The following AGBL2 variants were observed in gnomAD, a reference collection of about 807,000 sequenced individuals.
AGBL2 encodes AGBL carboxypeptidase 2.
In AGBL2, 87 loss-of-function variants were observed where a neutral mutation model predicts 103.0. The observed-to-expected ratio is 0.84, with a 90% CI of 0.71 to 1.01. AGBL2 has a LOEUF of 1.01. Among genes scored for constraint, AGBL2 ranks in the 50% least tolerant of loss-of-function variants. The pLI is 0.00. For synonymous variants in AGBL2, 335 were observed against 356.7 expected (o/e 0.94, Z 0.69); for missense variants, 904 against 1,023.5 (o/e 0.88, Z 1.59).
Position 47,670,777 on chromosome 11 carries a change from T to G in AGBL2, c.2148-1870A>C, listed in dbSNP as rs559887779. 9.2e-5 allele frequency among the ~76,000 whole-genome samples: 14 copies of G among 152,024 alleles called. No homozygotes were observed. The South Asian group carries it at 2.7e-3, about 29-fold the overall frequency. ...GGGAGGCTGAGGCTTAAAGATCTCTTGAGCCCAGGAGTTTGAGACCAGCCT... is the reference window on the plus strand; with the variant it reads ...GGGAGGCTGAGGCTTAAAGATCTCTGGAGCCCAGGAGTTTGAGACCAGCCT... On this transcript the variant is annotated intron_variant, in intron 14 of 18. Transcript: ENST00000525123.
intron 13 of AGBL2, among the ~76,000 whole-genome samples, chr11:47,678,335 A>ATTTTTTTTTTTTTTTTTTTTTTT (rs771416947): frequency 1.5e-5 from 1 of 67,786 alleles, no homozygotes; most frequent in Non-Finnish European, 3.2e-5. Context: ...ATTTTATTTT[A>ATTTTTTTTTTTTTTTTTTTTTTT]TTATTTTATT....
chr11:47,690,930 T>C, intron 9 of AGBL2, 72 bp from the exon 10 acceptor site: 1 of 1,270,240 alleles, frequency 7.9e-7, no homozygotes, highest in South Asian at 1.4e-5. Flanking sequence ...GAAAATGTTG[T>C]TTTCTCCTGG....
At chr11:47,696,180 T>C (rs1273986797) in intron 8 of AGBL2, among the ~76,000 whole-genome samples, 1 of 79,786 alleles carries the variant, frequency 1.3e-5, no homozygotes, top group Non-Finnish European at 2.6e-5. Flanking sequence ...AGTGAGACTC[T>C]GTCTCAAAAA....
chr11:47,675,025 C>T (rs140451965), intron 14 of AGBL2, among the ~76,000 whole-genome samples: 379 of 152,012 alleles, frequency 2.5e-3, no homozygotes, highest in Middle Eastern at 0.014. Flanking sequence ...TGAGCCACCG[C>T]GCCTGATTTA....
chr11:47,710,870 A>G, intron 3 of AGBL2: 1 of 460,000 alleles, frequency 2.2e-6, no homozygotes, highest in Non-Finnish European at 4.3e-6. Context: ...TGTGGAGGCC[A>G]CTGCCCTCCA....
chr11:47,690,147 C>T lies in AGBL2; in HGVS notation c.1560G>A (p.Leu520=), dbSNP rs1381152391. ...TCAGAATGGTTTTATAATGCCTGTTCAAATCCCTTCCGGCCAAGGAACACC... is the reference window on the plus strand; with the variant it reads ...TCAGAATGGTTTTATAATGCCTGTTTAAATCCCTTCCGGCCAAGGAACACC... ...NYRCSLAGRD[L]NRHYKTILKE... Residue 520 remains leucine, a synonymous_variant, in exon 10 of 19, where the codon TTG becomes TTA. Coordinates refer to ENST00000525123, the MANE Select transcript of AGBL2 (RefSeq NM_024783.4). 1 of 1,614,120 alleles carries T rather than the reference C, an allele frequency of 6.2e-7. No homozygotes were observed. Among genetic ancestry groups the T allele is most frequent in the East Asian group, 2.2e-5 (1 of 44,888 alleles).
At chr11:47,694,422 G>A (rs2097459380) in intron 8 of AGBL2, among the ~76,000 whole-genome samples, 1 of 152,010 alleles carries the variant, frequency 6.6e-6, no homozygotes, top group Non-Finnish European at 1.5e-5. Flanking sequence ...TCCAGCCCTA[G>A]CCATGTATAC....
chr11:47,663,557 C>CT (rs556139830), intron 17 of AGBL2, among the ~76,000 whole-genome samples: 16,985 of 139,344 alleles, frequency 0.12, 1,078 homozygotes, highest in Non-Finnish European at 0.16. Context: ...TTATAGTATT[C>CT]TTTTTTTTTT....
chr11:47,668,739 T>C (rs1332472139), intron 15 of AGBL2, 102 bp downstream of exon 15: 1 of 843,538 alleles, frequency 1.2e-6, no homozygotes, highest in African/African-American at 1.7e-5. Flanking sequence ...CTGTATATTT[T>C]CTGCAGGTCT....
At chr11:47,662,792 C>A (rs1258258598) in intron 18 of AGBL2, among the ~76,000 whole-genome samples, 1 of 152,152 alleles carries the variant, frequency 6.6e-6, no homozygotes, top group Non-Finnish European at 1.5e-5. Context: ...CTGTGCCCGG[C>A]CTAAAACTTA....
intron 4 of AGBL2, among the ~76,000 whole-genome samples, chr11:47,706,739 T>C (rs954120123): frequency 3.3e-5 from 5 of 151,580 alleles, no homozygotes; most frequent in African/African-American, 1.2e-4. Flanking sequence ...ATGAAAAGGC[T>C]TTCTCTTTTG....
At chr11:47,675,453 C>T (rs928722009) in intron 14 of AGBL2, among the ~76,000 whole-genome samples, 8 of 148,286 alleles carry the variant, frequency 5.4e-5, no homozygotes, top group Non-Finnish European at 1.2e-4. Flanking sequence ...GGCGCAATCC[C>T]AGCTCACAGT....
Position 47,691,729 on chromosome 11 carries a change from A to AAAAAAAAAAAAAAAAATATATATACATAT in AGBL2, c.848+373_848+374insATATGTATATATATTTTTTTTTTTTTTTT. On this transcript the variant is annotated intron_variant, in intron 9 of 18. Coordinates refer to ENST00000525123, the MANE Select transcript of AGBL2 (RefSeq NM_024783.4). Reference sequence around the variant, plus strand: ...TCTCAAGAAAAAAAAAAAAAAAAAAAATATATATATATATATATATATATA... The same window carrying AAAAAAAAAAAAAAAAATATATATACATAT: ...TCTCAAGAAAAAAAAAAAAAAAAAAAAAAAAAAAAAAAAAAATATATATACATATATATATATATATATATATATATATA... Among the ~76,000 whole-genome samples the AAAAAAAAAAAAAAAAATATATATACATAT allele has an allele frequency of 4.1e-4, 2 of 4,850 alleles. 1 individual carries two copies. Among genetic ancestry groups the AAAAAAAAAAAAAAAAATATATATACATAT allele is most frequent in the Non-Finnish European group, 7.3e-4 (2 of 2,742 alleles). The allele number at this position is 4,850 out of a possible 152,430, so 3.2% of individuals were successfully genotyped here. A position where few individuals can be genotyped will look rare whatever the true frequency, so the allele number is the denominator to read the frequency against.
chr11:47,663,074 G>A lies in AGBL2; in HGVS notation c.2487C>T (p.Asp829=), dbSNP rs201757557. The A allele has an allele frequency of 1.7e-5, 27 of 1,598,578 alleles. No individual in the cohort carries two copies. The Middle Eastern group carries it at 6.6e-4, about 39-fold the overall frequency. The change falls in exon 18 of 19, where the codon GAC becomes GAT. Residue 829 remains aspartate (D), a synonymous_variant. Coordinates refer to ENST00000525123, the MANE Select transcript of AGBL2 (RefSeq NM_024783.4). ...LNRRDKDTPL[D]PSMATLILPK... The stretch of plus-strand genomic sequence containing the variant: ...GCAGAATCAGGGTGGCCATTGATGG[G>A]TCCAGGGGGGTGTCTTTGTCTCTTC...
intron 17 of AGBL2, among the ~76,000 whole-genome samples, chr11:47,663,699 G>A (rs571889292): frequency 1.3e-5 from 2 of 151,766 alleles, no homozygotes; most frequent in East Asian, 3.9e-4. Flanking sequence ...TGGGATTACA[G>A]GCATGCGCCA....
intron 11 of AGBL2, among the ~76,000 whole-genome samples, chr11:47,684,864 C>A (rs1353819391): frequency 1.3e-5 from 2 of 152,108 alleles, no homozygotes; most frequent in African/African-American, 2.4e-5. Context: ...ATCTCTTCTT[C>A]CAGGGTCAAC....
intron 18 of AGBL2, among the ~76,000 whole-genome samples, chr11:47,662,252 C>T (rs1475528692): frequency 6.6e-6 from 1 of 151,880 alleles, no homozygotes; most frequent in African/African-American, 2.4e-5. Context: ...TGGTTCACTG[C>T]AAACTCTGCC....
rs780316847 is a variant in AGBL2 at position 47,710,364 on chromosome 11, G to C, written c.232+13C>G. The C allele has an allele frequency of 6.2e-6, 10 of 1,613,912 alleles. No individual in the cohort carries two copies. Among genetic ancestry groups the C allele is most frequent in the Non-Finnish European group, 7.6e-6 (9 of 1,179,838 alleles). On this transcript the variant is annotated intron_variant, in intron 4 of 18. Transcript: ENST00000525123. ...TGAGGTTCTAGAGGTCACACATACT[G>C]ATTGTTACTCACATAGAAGCTTCTC...
At chr11:47,679,520 G>A (rs2097393096) in intron 13 of AGBL2, among the ~76,000 whole-genome samples, 1 of 152,052 alleles carries the variant, frequency 6.6e-6, no homozygotes, top group African/African-American at 2.4e-5. Flanking sequence ...TATGCAGTCT[G>A]GGGGCTTTCT....
Sources: allele counts gnomAD v4.1 joint callset (sites outside exome capture counted in the v4.1 genomes callset), GRCh38; gene constraint gnomAD v4.1.1; transcripts MANE v1.5; gene names NCBI Gene and HGNC (gene_info 2026-07-23, HGNC 2026-07-21).